The following PIK3AP1 variants were observed in gnomAD, a reference collection of about 807,000 sequenced individuals.
The protein encoded by PIK3AP1 is phosphoinositide 3-kinase adapter protein 1.
PIK3AP1 carries 21 observed loss-of-function variants against 88.1 expected under a neutral mutation model. That is an observed-to-expected ratio of 0.24 (90% confidence interval 0.17 to 0.34). The LOEUF (loss-of-function observed/expected upper bound fraction) is 0.34. PIK3AP1 is among the 10% of genes least tolerant of loss of function. The pLI, the probability that PIK3AP1 is intolerant of heterozygous loss-of-function variation, is 1.00. For missense variants in PIK3AP1, 828 were observed against 1,035.7 expected (o/e 0.80, Z 2.75); for synonymous variants, 398 against 400.0 (o/e 1.00, Z 0.06).
chr10:96,634,513 C>T (rs1341451580), intron 8 of PIK3AP1, among the ~76,000 whole-genome samples: 1 of 152,194 alleles, frequency 6.6e-6, no homozygotes, highest in African/African-American at 2.4e-5. Flanking sequence ...CTGACTCTTA[C>T]TAGCTCTGTG....
chr10:96,632,832 T>G (rs1486948210), intron 8 of PIK3AP1: 3 of 1,585,788 alleles, frequency 1.9e-6, no homozygotes, highest in Non-Finnish European at 2.6e-6. Context: ...TGACTACACA[T>G]CCACCAGTCC....
intron 2 of PIK3AP1, among the ~76,000 whole-genome samples, chr10:96,675,481 G>A (rs898953767): frequency 1.3e-5 from 2 of 152,192 alleles, no homozygotes; most frequent in African/African-American, 4.8e-5. Context: ...TTGGTCGAAA[G>A]CTATGATGGA....
chr10:96,634,001 G>T (rs976665411), intron 8 of PIK3AP1, among the ~76,000 whole-genome samples: 1 of 152,164 alleles, frequency 6.6e-6, no homozygotes, highest in Non-Finnish European at 1.5e-5. Flanking sequence ...CCTTGGTGAA[G>T]GGTCTGCCAC....
chr10:96,646,241 C>A (rs868739140), intron 7 of PIK3AP1, among the ~76,000 whole-genome samples: 31 of 150,482 alleles, frequency 2.1e-4, no homozygotes, highest in African/African-American at 7.6e-4. Flanking sequence ...GCCTGGGCAA[C>A]AGAGCAAGAC....
At chr10:96,664,216 C>T (rs890389279) in intron 2 of PIK3AP1, among the ~76,000 whole-genome samples, 1 of 152,132 alleles carries the variant, frequency 6.6e-6, no homozygotes, top group African/African-American at 2.4e-5. Flanking sequence ...ACATTATTTT[C>T]AAAGAGTTCT....
At chr10:96,599,029 T>A (rs540557284) in intron 16 of PIK3AP1, among the ~76,000 whole-genome samples, 1 of 152,272 alleles carries the variant, frequency 6.6e-6, no homozygotes, top group African/African-American at 2.4e-5. Context: ...GCACTCTGGC[T>A]GCAATGTGGA....
intron 1 of PIK3AP1, among the ~76,000 whole-genome samples, chr10:96,716,926 G>A (rs961470884): frequency 6.6e-6 from 1 of 152,150 alleles, no homozygotes; most frequent in Non-Finnish European, 1.5e-5. Flanking sequence ...TCCATGGGGT[G>A]AAAAGCTGGG....
intron 1 of PIK3AP1, among the ~76,000 whole-genome samples, chr10:96,715,846 T>C (rs907041727): frequency 1.3e-5 from 2 of 149,358 alleles, no homozygotes; most frequent in Non-Finnish European, 3.0e-5. Flanking sequence ...GCTGAGATCA[T>C]GCCACTGCAC....
intron 7 of PIK3AP1, among the ~76,000 whole-genome samples, chr10:96,648,071 G>A (rs992495013): frequency 9.2e-5 from 14 of 152,330 alleles, no homozygotes; most frequent in African/African-American, 3.4e-4. Context: ...GTTAGAAAGA[G>A]AGAGCGAGGC....
At chr10:96,710,253 C>T (rs539407535) in intron 1 of PIK3AP1, among the ~76,000 whole-genome samples, 83 of 152,074 alleles carry the variant, frequency 5.5e-4, no homozygotes, top group African/African-American at 1.9e-3. Flanking sequence ...GACTGAGTCT[C>T]GCTCTATCAC....
At chr10:96,700,987 C>G in intron 2 of PIK3AP1, 1 of 717,882 alleles carries the variant, frequency 1.4e-6, no homozygotes, top group Non-Finnish European at 1.7e-6. Context: ...GCCTGAGCTA[C>G]CGCGGGCTCC....
At chr10:96,715,978 T>A (rs1844497187) in intron 1 of PIK3AP1, among the ~76,000 whole-genome samples, 1 of 151,702 alleles carries the variant, frequency 6.6e-6, no homozygotes, top group African/African-American at 2.4e-5. Flanking sequence ...ACAGAACAGC[T>A]ATTCAAAATG....
At chr10:96,713,132 C>T (rs1029389114) in intron 1 of PIK3AP1, among the ~76,000 whole-genome samples, 3 of 152,048 alleles carry the variant, frequency 2.0e-5, no homozygotes, top group South Asian at 2.1e-4. Flanking sequence ...GAGGCCAGGG[C>T]GGGCGGATTG....
rs1343804841 is a variant in PIK3AP1, at chr10:96,594,607, A to G, written c.*970T>C. The G allele has an allele frequency of 6.6e-6, 1 of 152,226 alleles. No homozygotes were observed. The highest frequency in any genetic ancestry group is 2.4e-5 in the African/African-American group (1 of 41,466). 9.4% of individuals were successfully genotyped at this position (152,226 alleles called of 1,614,324 possible). ...CAGAAGCCTCAACGAAGAAAAAGTC[A>G]AAGGTCCTTCTCTCTCTATGACCAG... is the stretch of plus-strand genomic sequence containing the variant. On this transcript the variant is annotated 3_prime_UTR_variant, in exon 17 of 17. Coordinates refer to ENST00000339364, the MANE Select transcript of PIK3AP1 (RefSeq NM_152309.3). The surrounding 1 kb of genome is among the most constrained non-coding windows in gnomAD (Gnocchi z 4.6).
chr10:96,650,594 G>A (rs543197562), intron 6 of PIK3AP1, among the ~76,000 whole-genome samples: 1 of 152,288 alleles, frequency 6.6e-6, no homozygotes, highest in East Asian at 1.9e-4. Flanking sequence ...CTAGGTCAAT[G>A]GCACCCAACA....
intron 1 of PIK3AP1, 137 bp from the exon 2 acceptor site, chr10:96,710,120 C>A: frequency 1.4e-6 from 1 of 730,284 alleles, no homozygotes; most frequent in Non-Finnish European, 2.2e-6. Flanking sequence ...AGCACACCAG[C>A]ACACCTCACT....
At chr10:96,631,552 T>TA (rs1248597770) in intron 8 of PIK3AP1, among the ~76,000 whole-genome samples, 1 of 152,216 alleles carries the variant, frequency 6.6e-6, no homozygotes, top group Non-Finnish European at 1.5e-5. Flanking sequence ...ACCCCTTTCC[T>TA]AATGTGCTCA....
Position 96,625,093 on chromosome 10 carries a change from C to T in PIK3AP1, c.1670-1556G>A, listed in dbSNP as rs150446074. On this transcript the variant is annotated intron_variant, in intron 10 of 16. Transcript: ENST00000339364. ...GTGGGCTATCAAGCAAGTTACACTG[C>T]GGGCAACCTAGGAATGACTAGAACA... Among the ~76,000 whole-genome samples, 30 of 152,264 alleles carry T rather than the reference C, an allele frequency of 2.0e-4. No homozygotes were observed. In the East Asian group the frequency reaches 5.0e-3, roughly 25 times the overall value.
intron 2 of PIK3AP1, among the ~76,000 whole-genome samples, chr10:96,673,058 C>T (rs532791371): frequency 6.6e-6 from 1 of 152,328 alleles, no homozygotes; most frequent in South Asian, 2.1e-4. Context: ...GCTCCCAACT[C>T]CAGATCTGGT....
Sources: allele counts gnomAD v4.1 joint callset (sites outside exome capture counted in the v4.1 genomes callset), GRCh38; gene constraint gnomAD v4.1.1; non-coding constraint Gnocchi (gnomAD v3.1); transcripts MANE v1.5; gene names NCBI Gene and HGNC (gene_info 2026-07-23, HGNC 2026-07-21).